The following SLC2A9 variants were observed in gnomAD, a reference collection of about 807,000 sequenced individuals.
SLC2A9 encodes the protein solute carrier family 2, facilitated glucose transporter member 9.
A neutral mutation model predicts 50.6 loss-of-function variants in SLC2A9; 39 were observed. The ratio of observed to expected loss-of-function variants is 0.77; its 90% CI spans 0.60 to 1.01. The LOEUF (loss-of-function observed/expected upper bound fraction) is 1.01. Among genes scored for constraint, SLC2A9 ranks in the 50% least tolerant of loss-of-function variants. The probability of loss-of-function intolerance (pLI) is 0.00; values close to 1 mark genes in which losing one functional copy is unlikely to be tolerated. For synonymous variants in SLC2A9, 324 were observed against 276.9 expected (o/e 1.17, Z -1.69); for missense variants, 686 against 677.6 (o/e 1.01, Z -0.14).
At chr4:9,808,420 G>A (rs759694104) in intron 3 of SLC2A9, among the ~76,000 whole-genome samples, 8 of 152,186 alleles carry the variant, frequency 5.3e-5, no homozygotes, top group Non-Finnish European at 8.8e-5. Context: ...GAAGCAGTCA[G>A]CCTTTAGGGG....
intron 10 of SLC2A9, among the ~76,000 whole-genome samples, chr4:9,856,438 T>C (rs1431651148): frequency 6.6e-6 from 1 of 152,182 alleles, no homozygotes; most frequent in Non-Finnish European, 1.5e-5. Context: ...TCAGTCAGAA[T>C]GGCTATTCTT....
In SLC2A9 at chr4:9,900,956, A is replaced by C. The variant is rs144499258; in HGVS notation, c.1113+7279T>G. 4.6e-3 allele frequency among the ~76,000 whole-genome samples: 707 copies of C among 152,338 alleles called. 24 individuals carry two copies. The East Asian group carries it at 0.077, about 17-fold the overall frequency. ...ATGGGGATTGTGGGAACTATAATTC[A>C]AGGTGAGATTTGGGTGGGGACACAG... On this transcript the variant is annotated intron_variant, in intron 8 of 11. Transcript: ENST00000264784.
In SLC2A9 at chr4:9,783,743, G is replaced by C. The variant is rs777036084; in HGVS notation, n.386-3678C>G. The C allele has an allele frequency of 7.0e-5, 23 of 326,706 alleles. 1 individual carries two copies. The highest frequency in any genetic ancestry group is 6.9e-4 in the South Asian group (8 of 11,648). The allele number at this position is 326,706 out of a possible 1,614,324, so 20.2% of individuals were successfully genotyped here. On this transcript the variant is annotated intron_variant and non_coding_transcript_variant, in intron 3 of 3. Coordinates refer to the SLC2A9 transcript ENST00000503803. ...GTGCTGGGTCCTTAAAAAAAAAAAT[G>C]ATACTTGGTCCTTAAAAAATATGCT...
intron 7 of SLC2A9, among the ~76,000 whole-genome samples, 163 bp from the exon 8 acceptor site, chr4:9,908,508 T>A (rs370402044): frequency 1.2e-5 from 1 of 84,544 alleles, no homozygotes. Context: ...CTTCTCCCTT[T>A]CTTCATTACT....
intron 2 of SLC2A9, among the ~76,000 whole-genome samples, chr4:10,003,592 C>T (rs1454297539): frequency 6.6e-6 from 1 of 152,144 alleles, no homozygotes; most frequent in Admixed American, 6.5e-5. Flanking sequence ...GGCAACTGAA[C>T]GTTTGTCTTC....
At chr4:9,844,293 C>A (rs1221544476) in intron 10 of SLC2A9, among the ~76,000 whole-genome samples, 1 of 151,986 alleles carries the variant, frequency 6.6e-6, no homozygotes, top group African/African-American at 2.4e-5. Flanking sequence ...ATCTCTCCTT[C>A]CCCCACTCAT....
Position 9,890,913 on chromosome 4 carries a change from A to G in SLC2A9, c.1114-202T>C, listed in dbSNP as rs77620250. Among the ~76,000 whole-genome samples the G allele has an allele frequency of 1.8e-4, 27 of 152,302 alleles. No individual in the cohort carries two copies. In the East Asian group the frequency reaches 5.2e-3, roughly 29 times the overall value. ...AAAAAGCGAGGGAGAGAAAGTCACA[A>G]TTCTTGAGCACCTACAGCATTAATA... On this transcript the variant is annotated intron_variant, in intron 8 of 11. Transcript: ENST00000264784.
chr4:10,003,952 G>A (rs1469466400), intron 2 of SLC2A9, among the ~76,000 whole-genome samples: 1 of 152,134 alleles, frequency 6.6e-6, no homozygotes, highest in Non-Finnish European at 1.5e-5. Flanking sequence ...GGGCAGATGT[G>A]GTATCTGAGC....
intron 10 of SLC2A9, among the ~76,000 whole-genome samples, chr4:9,869,838 G>A (rs962252231): frequency 1.3e-5 from 2 of 152,260 alleles, no homozygotes; most frequent in Non-Finnish European, 2.9e-5. Flanking sequence ...GTCCAGTGCA[G>A]TGGGCTGAGT....
chr4:9,939,853 T>C (rs947497849), intron 6 of SLC2A9, among the ~76,000 whole-genome samples: 1 of 152,174 alleles, frequency 6.6e-6, no homozygotes, highest in Non-Finnish European at 1.5e-5. Flanking sequence ...AAATATCCAT[T>C]GCTTGCTGAA....
chr4:9,774,757 C>T (rs559320639), intron 1 of SLC2A9, among the ~76,000 whole-genome samples: 8 of 151,984 alleles, frequency 5.3e-5, no homozygotes, highest in African/African-American at 9.7e-5. Context: ...TCTTTCCTCT[C>T]CTTCCCTCCG....
intron 2 of SLC2A9, among the ~76,000 whole-genome samples, chr4:10,008,742 T>C (rs1202723890): frequency 6.6e-6 from 1 of 152,194 alleles, no homozygotes. Context: ...ATTAGCTAGG[T>C]AGCCTTAGGC....
At chr4:9,781,026 A>G (rs931571005) in intron 3 of SLC2A9, among the ~76,000 whole-genome samples, 4 of 152,010 alleles carry the variant, frequency 2.6e-5, no homozygotes, top group African/African-American at 9.7e-5. Flanking sequence ...TGGTGGGGAA[A>G]AGGACAATCT....
At chr4:9,924,297 C>A (rs566553836) in intron 6 of SLC2A9, among the ~76,000 whole-genome samples, 24 of 152,340 alleles carry the variant, frequency 1.6e-4, no homozygotes, top group African/African-American at 5.5e-4. Flanking sequence ...CTACACCCAG[C>A]ACCCGTGCCT....
chr4:10,026,044 G>A, upstream of SLC2A9: 1 of 1,477,128 alleles, frequency 6.8e-7, no homozygotes, highest in Non-Finnish European at 9.5e-7. Context: ...TTAGACAGCT[G>A]CTTTCTCAGA....
rs147263130 is a variant in SLC2A9, at chr4:9,909,146, G to C, written c.1003-801C>G. On this transcript the variant is annotated intron_variant, in intron 7 of 11. Coordinates refer to ENST00000264784, the MANE Select transcript of SLC2A9 (RefSeq NM_020041.3). ...CCCAGAGTTGGGTAATGCACAACCT[G>C]TTTAACTATACATAGAGCCCCTGCC... is the stretch of plus-strand genomic sequence containing the variant. 3.8e-3 allele frequency among the ~76,000 whole-genome samples: 576 copies of C among 152,342 alleles called. 5 individuals carry two copies. Among genetic ancestry groups the C allele is most frequent in the South Asian group, 0.017 (81 of 4,826 alleles).
At chr4:9,850,543 C>T (rs753293192) in intron 10 of SLC2A9, among the ~76,000 whole-genome samples, 1 of 152,134 alleles carries the variant, frequency 6.6e-6, no homozygotes, top group Non-Finnish European at 1.5e-5. Context: ...GTATCAGATG[C>T]CCAACCAGGG....
intron 10 of SLC2A9, among the ~76,000 whole-genome samples, chr4:9,884,740 T>C (rs1735861423): frequency 6.6e-6 from 1 of 152,184 alleles, no homozygotes; most frequent in Non-Finnish European, 1.5e-5. Context: ...TGCAGCACTA[T>C]TCACAATAGC....
intron 10 of SLC2A9, among the ~76,000 whole-genome samples, chr4:9,838,637 G>A (rs760680141): frequency 3.3e-5 from 5 of 152,096 alleles, no homozygotes; most frequent in Non-Finnish European, 7.4e-5. Context: ...AAACAGCATG[G>A]TACTGGTACA....
Sources: gnomAD v4.1 joint callset for allele counts (sites outside exome capture counted in the v4.1 genomes callset) on GRCh38, gnomAD v4.1.1 for gene constraint, MANE v1.5 for transcripts, NCBI Gene and HGNC (gene_info 2026-07-23, HGNC 2026-07-21) for gene names.